UST: variants seen among roughly 807,000 people sequenced by gnomAD.
UST encodes chondroitin sulfate 2-O-sulfotransferase.
A neutral mutation model predicts 45.6 loss-of-function variants in UST; 21 were observed. That is an observed-to-expected ratio of 0.46 (90% CI 0.33 to 0.66). The LOEUF (loss-of-function observed/expected upper bound fraction) is 0.66, where lower values mean the gene tolerates loss of function less well. UST is among the 30% of genes least tolerant of loss of function. The pLI is 0.02. For synonymous variants in UST, 215 were observed against 200.6 expected (o/e 1.07, Z -0.61); for missense variants, 463 against 512.4 (o/e 0.90, Z 0.93).
Position 148,970,386 on chromosome 6 carries a change from G to A in UST, c.681+5823G>A, listed in dbSNP as rs148051335. Among the ~76,000 whole-genome samples the A allele has an allele frequency of 4.2e-3, 644 of 152,290 alleles. 9 individuals carry two copies. Among genetic ancestry groups the A allele is most frequent in the African/African-American group, 0.015 (619 of 41,558 alleles). On this transcript the variant is annotated intron_variant, in intron 5 of 7. Transcript: ENST00000367463. ...GTCCGCCCTCACAGCCTCTCCTGGC[G>A]TAGGTATGAGCACTCCTCATTCCCC...
Position 149,010,895 on chromosome 6 carries a change from C to CAAAAAAAAAAAA in UST, c.682-8231_682-8220dup, listed in dbSNP as rs1172538648. 2.2e-3 allele frequency among the ~76,000 whole-genome samples: 141 copies of CAAAAAAAAAAAA among 65,538 alleles called. 2 individuals carry two copies. The highest frequency in any genetic ancestry group is 8.8e-3 in the Middle Eastern group (1 of 114). 43.0% of individuals were successfully genotyped at this position (65,538 alleles called of 152,430 possible). ...AGACAGAGCAAGACTCCGTCTCAAC[C>CAAAAAAAAAAAA]AAAAAAAAAAAAAAAAAAAAAAAAC... On this transcript the variant is annotated intron_variant, in intron 5 of 7. Coordinates refer to ENST00000367463, the MANE Select transcript of UST (RefSeq NM_005715.3).
intron 1 of UST, among the ~76,000 whole-genome samples, chr6:148,814,150 TTGTTCACACTAA>T (rs1344660447): frequency 6.6e-6 from 1 of 152,158 alleles, no homozygotes; most frequent in Non-Finnish European, 1.5e-5. Flanking sequence ...AGGACTCTGG[TTGTTCACACTAA>T]TGACACAGTT....
chr6:148,987,297 T>C (rs11966122), intron 5 of UST, among the ~76,000 whole-genome samples: 27,976 of 152,158 alleles, frequency 0.18, 2,704 homozygotes, highest in Non-Finnish European at 0.22. Context: ...ATGCAGAAGC[T>C]TCCAGATCTC....
chr6:149,002,300 T>TA (rs1349090412), intron 5 of UST, among the ~76,000 whole-genome samples: 4 of 152,084 alleles, frequency 2.6e-5, no homozygotes, highest in Non-Finnish European at 5.9e-5. Flanking sequence ...TAGCAAATTT[T>TA]AAAAAACGCA....
At position 148,747,494 on chromosome 6, in the gene UST, G is replaced by T. The variant is rs755343816; in HGVS notation, c.64G>T (p.Gly22Trp). Residue 22 changes from glycine to tryptophan, a missense_variant, in exon 1 of 8, where the codon GGG becomes TGG. Transcript: ENST00000367463. Reference sequence around the variant, plus strand: ...TCCCTGGCCCCATGGGGCCCCTATGGGGGGCGCCCCTCCGGGCCTGGGCAG... The same window carrying T: ...TCCCTGGCCCCATGGGGCCCCTATGTGGGGCGCCCCTCCGGGCCTGGGCAG... Reference protein sequence around the residue: ...ADPWPHGAPMGGAPPGLGSWK... With the variant: ...ADPWPHGAPMWGAPPGLGSWK... The T allele has an allele frequency of 3.3e-6, 5 of 1,520,698 alleles. No individual in the cohort carries two copies. The highest frequency in any genetic ancestry group is 1.8e-6 in the Non-Finnish European group (2 of 1,133,916). 94.2% of individuals were successfully genotyped at this position (1,520,698 alleles called of 1,614,324 possible). A position where few individuals can be genotyped will look rare whatever the true frequency, so the allele number is the denominator to read the frequency against.
At chr6:148,845,980 C>A (rs1384515741) in intron 1 of UST, among the ~76,000 whole-genome samples, 2 of 137,402 alleles carry the variant, frequency 1.5e-5, no homozygotes, top group Non-Finnish European at 1.6e-5. Context: ...GAAATAGGAA[C>A]ACTTTTACAC....
intron 5 of UST, among the ~76,000 whole-genome samples, chr6:149,003,420 T>C (rs1325740503): frequency 1.3e-5 from 2 of 149,278 alleles, no homozygotes; most frequent in Non-Finnish European, 3.0e-5. Flanking sequence ...GTCATTTTGA[T>C]GTCCAATTTG....
Position 149,074,127 on chromosome 6 carries a change from T to C in UST, c.*11T>C. The C allele has an allele frequency of 6.2e-7, 1 of 1,612,036 alleles. No individual in the cohort carries two copies. Among genetic ancestry groups the C allele is most frequent in the South Asian group, 1.1e-5 (1 of 91,006 alleles). On this transcript the variant is annotated 3_prime_UTR_variant, in exon 8 of 8. Transcript: ENST00000367463. ...ATTTATAAGAGGTGATGTGACTGTGTTGCCTCTATGGCTTTATCTCCCTTT... is the reference window on the plus strand; with the variant it reads ...ATTTATAAGAGGTGATGTGACTGTGCTGCCTCTATGGCTTTATCTCCCTTT...
intron 1 of UST, among the ~76,000 whole-genome samples, chr6:148,857,533 A>G (rs1224255039): frequency 6.6e-6 from 1 of 152,170 alleles, no homozygotes; most frequent in Non-Finnish European, 1.5e-5. Context: ...CCATGACATT[A>G]GATACTCGGT....
chr6:148,986,999 A>G (rs1781250112), intron 5 of UST, among the ~76,000 whole-genome samples: 1 of 152,278 alleles, frequency 6.6e-6, no homozygotes, highest in Non-Finnish European at 1.5e-5. Context: ...ACAAAATAAT[A>G]CAAAAGATTG....
intron 1 of UST, among the ~76,000 whole-genome samples, chr6:148,766,013 G>A (rs527827287): frequency 2.6e-5 from 4 of 152,202 alleles, no homozygotes; most frequent in African/African-American, 9.6e-5. Context: ...ATTATTTTGA[G>A]GTATGTTCCT....
chr6:149,055,059 G>A (rs748188448), intron 7 of UST, among the ~76,000 whole-genome samples: 2 of 152,152 alleles, frequency 1.3e-5, no homozygotes, highest in South Asian at 2.1e-4. Flanking sequence ...CTGAAAGGAC[G>A]GCAGTCAGCC....
rs1428067579 is a variant in UST, at chr6:149,029,468, TATATATAATGTATATATA to T, written c.937+8005_937+8022del. ...TATATTATATATACATTATATATTA[TATATATAATGTATATATA>T]ATATATAATGTATATATTATATAGA... is the stretch of plus-strand genomic sequence containing the variant. On this transcript the variant is annotated intron_variant, in intron 7 of 7. Transcript: ENST00000367463. 4.7e-4 allele frequency among the ~76,000 whole-genome samples: 67 copies of T among 143,850 alleles called. No homozygotes were observed. The East Asian group carries it at 4.7e-3, about 10-fold the overall frequency. 94.4% of individuals were successfully genotyped at this position (143,850 alleles called of 152,430 possible).
chr6:148,924,768 A>G (rs541728483), intron 2 of UST, among the ~76,000 whole-genome samples: 1 of 152,188 alleles, frequency 6.6e-6, no homozygotes, highest in African/African-American at 2.4e-5. Context: ...ACCCCAACCC[A>G]ATAGCTCTTG....
In UST at chr6:148,890,080, C is replaced by T. The variant is rs543953807; in HGVS notation, c.291+3051C>T. Among the ~76,000 whole-genome samples, 6 of 152,286 alleles carry T rather than the reference C, an allele frequency of 3.9e-5. No homozygotes were observed. The East Asian group carries it at 1.2e-3, about 29-fold the overall frequency. The stretch of plus-strand genomic sequence containing the variant: ...AGCAGAAGTTTACCTAATACAGAAG[C>T]TTTCACTATAACTGTATTTTCATTA... On this transcript the variant is annotated intron_variant, in intron 2 of 7. Coordinates refer to ENST00000367463, the MANE Select transcript of UST (RefSeq NM_005715.3).
At chr6:148,820,809 C>T (rs1291160644) in intron 1 of UST, among the ~76,000 whole-genome samples, 1 of 144,888 alleles carries the variant, frequency 6.9e-6, no homozygotes, top group African/African-American at 2.6e-5. Flanking sequence ...GCTGAGATCG[C>T]ACCACTGCAC....
intron 7 of UST, among the ~76,000 whole-genome samples, chr6:149,040,122 C>A (rs1251578466): frequency 6.6e-6 from 1 of 152,190 alleles, no homozygotes; most frequent in Non-Finnish European, 1.5e-5. Flanking sequence ...TTCATACAGT[C>A]CTGAGCTCTT....
intron 1 of UST, among the ~76,000 whole-genome samples, chr6:148,884,135 A>C (rs1418509227): frequency 6.6e-6 from 1 of 151,444 alleles, no homozygotes; most frequent in Non-Finnish European, 1.5e-5. Context: ...ACCGTCTCAA[A>C]AAAAAAAAAA....
intron 1 of UST, among the ~76,000 whole-genome samples, chr6:148,767,806 A>G (rs1398243022): frequency 6.6e-6 from 1 of 152,058 alleles, no homozygotes; most frequent in Non-Finnish European, 1.5e-5. Flanking sequence ...TGCTTCCTCC[A>G]CTCTGTAGTA....
Sources: gnomAD v4.1 joint callset for allele counts (sites outside exome capture counted in the v4.1 genomes callset) on GRCh38, gnomAD v4.1.1 for gene constraint, MANE v1.5 for transcripts, NCBI Gene and HGNC (gene_info 2026-07-23, HGNC 2026-07-21) for gene names.